PHF5A: variants seen among roughly 807,000 people sequenced by gnomAD.
The protein encoded by PHF5A is PHD finger protein 5A.
For missense variants in PHF5A, 24 were observed against 140.6 expected (o/e 0.17, Z 4.19); for synonymous variants, 52 against 46.0 (o/e 1.13, Z -0.52).
At chr22:41,466,748 G>C (rs547062439) in intron 3 of PHF5A, among the ~76,000 whole-genome samples, 1 of 152,104 alleles carries the variant, frequency 6.6e-6, no homozygotes. Context: ...CCCAGCACTT[G>C]GTGAGGCTAA....
chr22:41,463,623 G>A (rs2146061073), intron 3 of PHF5A, among the ~76,000 whole-genome samples: 1 of 149,438 alleles, frequency 6.7e-6, no homozygotes, highest in East Asian at 2.0e-4. Context: ...TACTCAGGGG[G>A]CTGAGACGGA....
In PHF5A at chr22:41,468,146, G is replaced by A; in HGVS notation, c.54C>T (p.Ala18=). 8.1e-6 allele frequency: 13 copies of A among 1,613,982 alleles called. No homozygotes were observed. The highest frequency in any genetic ancestry group is 1.1e-5 in the Non-Finnish European group (13 of 1,179,910). ...LIFCRKQAGV[A]IGRLCEKCDG... ...CACATTTTTCACACAGTCTTCCGAT[G>A]GCTGCAAGATGAAAGATGGTAAAAA... Residue 18 remains alanine, a splice_region_variant and synonymous_variant, in exon 2 of 4, where the codon GCC becomes GCT. Transcript: ENST00000216252.
chr22:41,460,184 G>A lies in PHF5A; in HGVS notation c.*214C>T, dbSNP rs913285059. 28 of 424,374 alleles carry A rather than the reference G, an allele frequency of 6.6e-5. No homozygotes were observed. The highest frequency in any genetic ancestry group is 2.0e-4 in the African/African-American group (10 of 50,078). The allele number at this position is 424,374 out of a possible 1,614,324, so 26.3% of individuals were successfully genotyped here. A position where few individuals can be genotyped will look rare whatever the true frequency, so the allele number is the denominator to read the frequency against. ...TTAACTAATCTATCAAGTTTTCTCC[G>A]ATATGGTGTGCCAGAGTGCTCTGTG... On this transcript the variant is annotated 3_prime_UTR_variant, in exon 4 of 4. Transcript: ENST00000216252.
chr22:41,468,561 C>T (rs751098428), intron 1 of PHF5A, 41 bp downstream of exon 1: 2 of 1,611,238 alleles, frequency 1.2e-6, no homozygotes, highest in Non-Finnish European at 1.7e-6. Flanking sequence ...GCTCCTAATA[C>T]CACCCCTGCC....
At chr22:41,460,589 C>A in intron 3 of PHF5A, 102 bp from the exon 4 acceptor site, 1 of 795,576 alleles carries the variant, frequency 1.3e-6, no homozygotes, top group Non-Finnish European at 1.9e-6. Context: ...GCCTTTAGTC[C>A]CAGCTACTAC....
rs1183904756 is a variant in PHF5A, at chr22:41,468,657, T to C, written c.-4A>G. On this transcript the variant is annotated 5_prime_UTR_variant, in exon 1 of 4. Coordinates refer to ENST00000216252, the MANE Select transcript of PHF5A (RefSeq NM_032758.4). ...AATCAGGATGATGTTTAGCCATAGC[T>C]CCTAACTAAGCCGGCCACCGGAAGC... 3 of 1,614,008 alleles carry C rather than the reference T, an allele frequency of 1.9e-6. No homozygotes were observed. The highest frequency in any genetic ancestry group is 1.7e-6 in the Non-Finnish European group (2 of 1,180,000).
Position 41,468,415 on chromosome 22 carries a change from C to T in PHF5A, c.52+187G>A, listed in dbSNP as rs188058. The T allele has an allele frequency of 5.4e-3, 3,668 of 675,130 alleles. 101 individuals are homozygous for T. The African/African-American group carries it at 0.054, about 10-fold the overall frequency. 41.8% of individuals were successfully genotyped at this position (675,130 alleles called of 1,614,324 possible). A position where few individuals can be genotyped will look rare whatever the true frequency, so the allele number is the denominator to read the frequency against. ...CCCGATACCTGCCTGGGGCTCCCAG[C>T]ACGCGCACCCCCGCCCTCTTCTCAT... On this transcript the variant is annotated intron_variant, in intron 1 of 3. Transcript: ENST00000216252.
chr22:41,467,654 A>G (rs948760922), intron 2 of PHF5A, 40 bp from the exon 3 acceptor site: 3 of 1,606,298 alleles, frequency 1.9e-6, no homozygotes, highest in Non-Finnish European at 2.6e-6. Context: ...CAAGTTCTTC[A>G]GTCCTCTGCT....
chr22:41,465,968 C>T (rs2037863383), intron 3 of PHF5A, among the ~76,000 whole-genome samples: 1 of 152,132 alleles, frequency 6.6e-6, no homozygotes, highest in Non-Finnish European at 1.5e-5. Context: ...CTGGGCTTGT[C>T]AGAGGAACTA....
intron 1 of PHF5A, 125 bp from the exon 2 acceptor site, chr22:41,468,272 C>G: frequency 1.2e-6 from 1 of 844,044 alleles, no homozygotes; most frequent in Middle Eastern, 2.3e-4. Flanking sequence ...CTGCGGATAG[C>G]CATTTTATCA....
rs2037818598 is a variant in PHF5A, at chr22:41,460,506, A to C, written c.244-19T>G. 3 of 1,576,722 alleles carry C rather than the reference A, an allele frequency of 1.9e-6. No homozygotes were observed. The South Asian group carries it at 3.5e-5, about 18-fold the overall frequency. Reference sequence around the variant, plus strand: ...CATCTCTCTGGAAAACAGAACAGAGAAGTTGTTAAGTCTTTGAGCCTGAAC... The same window carrying C: ...CATCTCTCTGGAAAACAGAACAGAGCAGTTGTTAAGTCTTTGAGCCTGAAC... On this transcript the variant is annotated intron_variant, in intron 3 of 3. Coordinates refer to ENST00000216252, the MANE Select transcript of PHF5A (RefSeq NM_032758.4).
Position 41,460,444 on chromosome 22 carries a change from G to C in PHF5A, c.287C>G (p.Thr96Arg). ...PKIVNLGSSK[T>R]DLFYERKKYG... is the part of the protein sequence containing the mutation. ...TTTTTTGCGTTCATAGAAGAGGTCT[G>C]TCTTAGAGCTCCCCAGATTGACAAT... The change falls in exon 4 of 4, where the codon ACA becomes AGA. Residue 96 changes from threonine to arginine, a missense_variant. By Grantham distance (71) the Thr-to-Arg change is moderately conservative. Coordinates refer to ENST00000216252, the MANE Select transcript of PHF5A (RefSeq NM_032758.4). The C allele has an allele frequency of 6.2e-7, 1 of 1,604,936 alleles. No homozygotes were observed. The highest frequency in any genetic ancestry group is 8.5e-7 in the Non-Finnish European group (1 of 1,173,838).
chr22:41,464,859 A>C (rs2037853769), intron 3 of PHF5A, among the ~76,000 whole-genome samples: 1 of 152,216 alleles, frequency 6.6e-6, no homozygotes, highest in East Asian at 1.9e-4. Context: ...TGTGCTAGAC[A>C]CCCTACAGGG....
In PHF5A at chr22:41,468,678, G is replaced by C. The variant is rs371349145; in HGVS notation, c.-25C>G. On this transcript the variant is annotated 5_prime_UTR_variant, in exon 1 of 4. Coordinates refer to ENST00000216252, the MANE Select transcript of PHF5A (RefSeq NM_032758.4). ...TAGCTCCTAACTAAGCCGGCCACCGGAAGCTTCGGGAACTTCCGTCCGACC... is the reference window on the plus strand; with the variant it reads ...TAGCTCCTAACTAAGCCGGCCACCGCAAGCTTCGGGAACTTCCGTCCGACC... 8.7e-6 allele frequency: 14 copies of C among 1,612,862 alleles called. No individual in the cohort carries two copies. Among genetic ancestry groups the C allele is most frequent in the Non-Finnish European group, 1.2e-5 (14 of 1,178,928 alleles).
Position 41,467,437 on chromosome 22 carries a change from T to G in PHF5A, c.243+11A>C. ...AAGGAGGAAAGGTCAGATGGAAAGC[T>G]GTACACTTACGTCCTTCTCCTGGAT... On this transcript the variant is annotated intron_variant, in intron 3 of 3. Coordinates refer to ENST00000216252, the MANE Select transcript of PHF5A (RefSeq NM_032758.4). 1 of 1,613,370 alleles carries G rather than the reference T, an allele frequency of 6.2e-7. No homozygotes were observed.
Position 41,468,663 on chromosome 22 carries a change from C to T in PHF5A, c.-10G>A. The T allele has an allele frequency of 1.2e-6, 2 of 1,614,080 alleles. No individual in the cohort carries two copies. Among genetic ancestry groups the T allele is most frequent in the Non-Finnish European group, 1.7e-6 (2 of 1,180,004 alleles). On this transcript the variant is annotated 5_prime_UTR_variant, in exon 1 of 4. Coordinates refer to ENST00000216252, the MANE Select transcript of PHF5A (RefSeq NM_032758.4). ...GATGATGTTTAGCCATAGCTCCTAA[C>T]TAAGCCGGCCACCGGAAGCTTCGGG...
Position 41,460,186 on chromosome 22 carries a change from T to C in PHF5A, c.*212A>G, listed in dbSNP as rs370458271. 15 of 433,412 alleles carry C rather than the reference T, an allele frequency of 3.5e-5. No individual in the cohort carries two copies. In the East Asian group the frequency reaches 4.3e-4, roughly 12 times the overall value. 26.8% of individuals were successfully genotyped at this position (433,412 alleles called of 1,614,324 possible). A position where few individuals can be genotyped will look rare whatever the true frequency, so the allele number is the denominator to read the frequency against. On this transcript the variant is annotated 3_prime_UTR_variant, in exon 4 of 4. Transcript: ENST00000216252. The stretch of plus-strand genomic sequence containing the variant: ...AACTAATCTATCAAGTTTTCTCCGA[T>C]ATGGTGTGCCAGAGTGCTCTGTGAA...
chr22:41,462,944 G>A (rs1291215704), intron 3 of PHF5A, among the ~76,000 whole-genome samples: 1 of 151,582 alleles, frequency 6.6e-6, no homozygotes, highest in East Asian at 1.9e-4. Flanking sequence ...CGCTATCTGG[G>A]CTCACTGCAA....
chr22:41,466,877 T>C (rs1405121763), intron 3 of PHF5A, among the ~76,000 whole-genome samples: 1 of 151,882 alleles, frequency 6.6e-6, no homozygotes, highest in Non-Finnish European at 1.5e-5. Flanking sequence ...TCCCAGCTAC[T>C]TGGGAGGATG....
Sources: gnomAD v4.1 joint callset for allele counts (sites outside exome capture counted in the v4.1 genomes callset) on GRCh38, gnomAD v4.1.1 for gene constraint, MANE v1.5 for transcripts, NCBI Gene and HGNC (gene_info 2026-07-23, HGNC 2026-07-21) for gene names.